PIP5K1C: variants seen among roughly 807,000 people sequenced by gnomAD.
PIP5K1C encodes phosphatidylinositol-4-phosphate 5-kinase type 1 gamma.
PIP5K1C carries 45 observed loss-of-function variants against 80.1 expected under a neutral mutation model. The observed-to-expected ratio is 0.56, with a 90% CI of 0.44 to 0.72. The LOEUF (loss-of-function observed/expected upper bound fraction) is 0.72. Ranked by LOEUF, PIP5K1C falls within the 30% of genes least tolerant of loss-of-function variation. The pLI, the probability that PIP5K1C is intolerant of heterozygous loss-of-function variation, is 0.00. For missense variants in PIP5K1C, 753 were observed against 954.6 expected (o/e 0.79, Z 2.78); for synonymous variants, 498 against 420.1 (o/e 1.19, Z -2.27).
rs150972205 is a variant in PIP5K1C, at chr19:3,646,076, G to A, written c.1261-18C>T. 2.8e-4 allele frequency: 431 copies of A among 1,534,998 alleles called. 3 individuals carry two copies. In the African/African-American group the frequency reaches 5.1e-3, roughly 18 times the overall value. On this transcript the variant is annotated intron_variant, in intron 10 of 17. Coordinates refer to ENST00000335312, the MANE Select transcript of PIP5K1C (RefSeq NM_012398.3). ...ACCGTGTCCTGGAAGAGAGTTGGGGGGGGTGCCCGGGGGCAGAGGGTGCAT... is the reference window on the plus strand; with the variant it reads ...ACCGTGTCCTGGAAGAGAGTTGGGGAGGGTGCCCGGGGGCAGAGGGTGCAT...
Position 3,633,540 on chromosome 19 carries a change from G to A in PIP5K1C, c.1921-20C>T, listed in dbSNP as rs1478429674. The stretch of plus-strand genomic sequence containing the variant: ...GGTGGGCTGGCAGGTGGGCGCGCGT[G>A]CAGGAGGGCGCGGAAGAGCAGGGTG... On this transcript the variant is annotated intron_variant, in intron 16 of 17. Coordinates refer to ENST00000335312, the MANE Select transcript of PIP5K1C (RefSeq NM_012398.3). 3 of 1,470,604 alleles carry A rather than the reference G, an allele frequency of 2.0e-6. No individual in the cohort carries two copies. The highest frequency in any genetic ancestry group is 9.1e-7 in the Non-Finnish European group (1 of 1,104,266). The allele number at this position is 1,470,604 out of a possible 1,614,324, so 91.1% of individuals were successfully genotyped here. A position where few individuals can be genotyped will look rare whatever the true frequency, so the allele number is the denominator to read the frequency against.
At position 3,661,962 on chromosome 19, in the gene PIP5K1C, T is replaced by C. The variant is rs2034846677; in HGVS notation, c.259A>G (p.Ile87Val). Reference protein sequence around the residue: ...STLKGAIQLGIGYTVGHLSSK... With the variant: ...STLKGAIQLGVGYTVGHLSSK... ...CTCAGGTGGCCCACGGTGTAGCCGA[T>C]GCCCAGCTGGATGGCACCCTTCAGG... The change falls in exon 4 of 18, where the codon ATC becomes GTC. Residue 87 changes from isoleucine to valine, a missense_variant. Around this residue, in one of 6 missense-constraint regions of PIP5K1C, gnomAD observed 139 missense variants for 289.7 expected, o/e 0.48. Transcript: ENST00000335312. 2.5e-6 allele frequency: 4 copies of C among 1,609,924 alleles called. No homozygotes were observed. The highest frequency in any genetic ancestry group is 3.4e-6 in the Non-Finnish European group (4 of 1,178,950).
Position 3,651,826 on chromosome 19 carries a change from G to A in PIP5K1C, c.1127C>T (p.Thr376Met), listed in dbSNP as rs1297966817. Residue 376 changes from threonine (T) to methionine (M), a missense_variant and splice_region_variant, in exon 8 of 18, where the codon ACG (threonine) becomes ATG (methionine). This residue lies in a region of PIP5K1C where 114 missense variants were observed against 152.4 expected (regional missense o/e 0.75). Transcript: ENST00000335312. Reference sequence around the variant, plus strand: ...GTCCGGCGGCCCCCCGCCCACCTACGTGTCATCCGATTCGATGGCCTCCCC... The same window carrying A: ...GTCCGGCGGCCCCCCGCCCACCTACATGTCATCCGATTCGATGGCCTCCCC... The part of the protein sequence containing the change: ...ARGEAIESDD[T>M]MGGIPAVNGR... 7 of 1,611,036 alleles carry A rather than the reference G, an allele frequency of 4.3e-6. No individual in the cohort carries two copies. Among genetic ancestry groups the A allele is most frequent in the Admixed American group, 1.7e-5 (1 of 60,006 alleles).
Position 3,637,228 on chromosome 19 carries a change from AG to A in PIP5K1C, c.1920+1655del, listed in dbSNP as rs771029945. 47 of 1,439,558 alleles carry A rather than the reference AG, an allele frequency of 3.3e-5. No homozygotes were observed. Among genetic ancestry groups the A allele is most frequent in the Non-Finnish European group, 4.2e-5 (46 of 1,100,794 alleles). 89.2% of individuals were successfully genotyped at this position (1,439,558 alleles called of 1,614,324 possible). On this transcript the variant is annotated intron_variant, in intron 16 of 17. Transcript: ENST00000335312. The surrounding 1 kb of genome is among the most constrained non-coding windows in gnomAD (Gnocchi z 7.0). Reference sequence around the variant, plus strand: ...GAGAGGGCTGGGTCCAGGGGCAGAGAGGGGCTCGCTGGGGTCTGGCCGGGGT... The same window carrying A: ...GAGAGGGCTGGGTCCAGGGGCAGAGAGGGCTCGCTGGGGTCTGGCCGGGGT...
intron 1 of PIP5K1C, among the ~76,000 whole-genome samples, chr19:3,675,209 G>C (rs1386048215): frequency 6.6e-6 from 1 of 152,184 alleles, no homozygotes; most frequent in Admixed American, 6.5e-5. Context: ...AATTTACTCA[G>C]TTGCAATAAG....
At chr19:3,689,313 G>A (rs1226986223) in intron 1 of PIP5K1C, among the ~76,000 whole-genome samples, 2 of 152,210 alleles carry the variant, frequency 1.3e-5, no homozygotes, top group African/African-American at 4.8e-5. Context: ...TGGAGCCAGG[G>A]CTCAGTGTGC....
intron 1 of PIP5K1C, chr19:3,670,014 A>G (rs1371614650): frequency 1.4e-5 from 2 of 146,220 alleles, no homozygotes; most frequent in East Asian, 2.0e-4. Flanking sequence ...CGGGGCAGGC[A>G]GCAGGTATGG....
chr19:3,654,973 T>TGGTA (rs1166226154), intron 6 of PIP5K1C, among the ~76,000 whole-genome samples: 1 of 151,604 alleles, frequency 6.6e-6, no homozygotes, highest in African/African-American at 2.4e-5. Context: ...CCAGGCGTGG[T>TGGTA]GGTAGGTGCC....
chr19:3,633,555 A>G (rs2033542422), intron 16 of PIP5K1C, 35 bp from the exon 17 acceptor site: 1 of 1,426,096 alleles, frequency 7.0e-7, no homozygotes, highest in African/African-American at 1.4e-5. Context: ...AGGGCGCGGA[A>G]GAGCAGGGTG....
At chr19:3,672,074 C>T (rs1054612184) in intron 1 of PIP5K1C, among the ~76,000 whole-genome samples, 1 of 152,202 alleles carries the variant, frequency 6.6e-6, no homozygotes, top group Non-Finnish European at 1.5e-5. Context: ...GGTGGCGACC[C>T]GGGCCTGCGG....
chr19:3,686,897 A>G (rs144021138), intron 1 of PIP5K1C, among the ~76,000 whole-genome samples: 3 of 152,018 alleles, frequency 2.0e-5, no homozygotes, highest in Non-Finnish European at 4.4e-5. Flanking sequence ...CAAGCAAAGA[A>G]AAAAACAGAT....
rs775223915 is a variant in PIP5K1C at position 3,638,920 on chromosome 19, C to T, written c.1884G>A (p.Ser628=). ...DEEGAPASQA[S]DEEDAPATDI... ...CGGTGGCGGGCGCGTCCTCCTCGTC[C>T]GAGGCCTGGCTGGCAGGTGCGCCCT... The change falls in exon 16 of 18, where the codon TCG becomes TCA. Residue 628 remains serine, a synonymous_variant. Transcript: ENST00000335312. 29 of 1,612,616 alleles carry T rather than the reference C, an allele frequency of 1.8e-5. No individual in the cohort carries two copies. The highest frequency in any genetic ancestry group is 1.2e-4 in the African/African-American group (9 of 74,852).
rs1226321452 is a variant in PIP5K1C at position 3,630,405 on chromosome 19, G to A, written c.*2762C>T. Reference sequence around the variant, plus strand: ...GGCGGAGGAATGGAGTGGCATCCCTGGGGGGAGTTAAGACACACGAGGTTT... The same window carrying A: ...GGCGGAGGAATGGAGTGGCATCCCTAGGGGGAGTTAAGACACACGAGGTTT... On this transcript the variant is annotated 3_prime_UTR_variant, in exon 18 of 18. Transcript: ENST00000335312. 1 of 152,556 alleles carries A rather than the reference G, an allele frequency of 6.6e-6. No homozygotes were observed. Among genetic ancestry groups the A allele is most frequent in the East Asian group, 1.9e-4 (1 of 5,194 alleles). The allele number at this position is 152,556 out of a possible 1,614,324, so 9.5% of individuals were successfully genotyped here.
At chr19:3,663,620 C>T (rs944807130) in intron 3 of PIP5K1C, among the ~76,000 whole-genome samples, 4 of 152,188 alleles carry the variant, frequency 2.6e-5, no homozygotes, top group African/African-American at 9.7e-5. Flanking sequence ...TCAAGACCAG[C>T]CTGGGCAACA....
chr19:3,656,344 C>T lies in PIP5K1C; in HGVS notation c.621+61G>A, dbSNP rs1055226312. 3.1e-5 allele frequency: 49 copies of T among 1,598,734 alleles called. No individual in the cohort carries two copies. The East Asian group carries it at 7.6e-4, about 25-fold the overall frequency. On this transcript the variant is annotated intron_variant, in intron 6 of 17. Coordinates refer to ENST00000335312, the MANE Select transcript of PIP5K1C (RefSeq NM_012398.3). The stretch of plus-strand genomic sequence containing the variant: ...CCCAAGCCTTGCAGACATCTGCTCC[C>T]GCCAGCCGGGAGAAGGGGGTTGACC...
At chr19:3,642,056 C>T (rs920273656) in intron 14 of PIP5K1C, among the ~76,000 whole-genome samples, 15 of 152,152 alleles carry the variant, frequency 9.9e-5, no homozygotes, top group Non-Finnish European at 1.8e-4. Context: ...CAGCCCCGAC[C>T]GGTGTGGGTG....
intron 1 of PIP5K1C, among the ~76,000 whole-genome samples, chr19:3,684,497 C>T (rs555877622): frequency 8.4e-4 from 128 of 152,324 alleles, no homozygotes; most frequent in African/African-American, 2.7e-3. Context: ...CCCTCCAGTA[C>T]GATGCTGGGG....
chr19:3,642,938 G>C lies in PIP5K1C; in HGVS notation c.1651C>G (p.Arg551Gly), dbSNP rs764108844. 7 of 1,613,460 alleles carry C rather than the reference G, an allele frequency of 4.3e-6. No homozygotes were observed. The highest frequency in any genetic ancestry group is 5.9e-6 in the Non-Finnish European group (7 of 1,179,796). ...SETSEQPRYRRRTQSSGQDGR... is the reference protein window; with the variant it reads ...SETSEQPRYRGRTQSSGQDGR... Reference sequence around the variant, plus strand: ...TCCTGTCCAGACGACTGTGTGCGCCGCCTGCAGAGATACAGCAAACACGTG... The same window carrying C: ...TCCTGTCCAGACGACTGTGTGCGCCCCCTGCAGAGATACAGCAAACACGTG... The change falls in exon 14 of 18, where the codon CGG becomes GGG. Residue 551 changes from arginine to glycine, a missense_variant and splice_region_variant. Around this residue, in one of 6 missense-constraint regions of PIP5K1C, gnomAD observed 315 missense variants for 294.5 expected, o/e 1.07. Coordinates refer to ENST00000335312, the MANE Select transcript of PIP5K1C (RefSeq NM_012398.3).
At chr19:3,642,877 A>T in intron 14 of PIP5K1C, 30 bp downstream of exon 14, 3 of 1,601,536 alleles carry the variant, frequency 1.9e-6, no homozygotes, top group Non-Finnish European at 2.6e-6. Flanking sequence ...AGCTGGTGAG[A>T]CCCAGGGAAG....
Sources: allele counts gnomAD v4.1 joint callset (sites outside exome capture counted in the v4.1 genomes callset), GRCh38; gene constraint gnomAD v4.1.1; regional missense constraint gnomAD v4.1.1; non-coding constraint Gnocchi (gnomAD v3.1); transcripts MANE v1.5; gene names NCBI Gene and HGNC (gene_info 2026-07-23, HGNC 2026-07-21).